Variants in ARVCF observed in about 807,000 individuals in gnomAD.
The protein encoded by ARVCF is ARVCF delta catenin family member.
Under a neutral mutation model 90.9 loss-of-function variants are expected in ARVCF, and 66 were observed. That is an observed-to-expected ratio of 0.73 (90% CI 0.60 to 0.89). The LOEUF (loss-of-function observed/expected upper bound fraction) is 0.89. Among genes scored for constraint, ARVCF ranks in the 40% least tolerant of loss-of-function variants. The pLI is 0.00. For synonymous variants in ARVCF, 653 were observed against 603.4 expected, an observed-to-expected ratio of 1.08 and a Z score of -1.21; for missense variants, 1,469 against 1,382.3, an observed-to-expected ratio of 1.06 and a Z score of -1.00.
chr22:19,968,711 G>A (rs1030230368), downstream of ARVCF: 1 of 1,612,076 alleles, frequency 6.2e-7, no homozygotes, highest in African/African-American at 1.3e-5. Context: ...ATCTACAAGG[G>A]CCCAGGCAGC....
intron 13 of ARVCF, 84 bp from the exon 14 acceptor site, chr22:19,973,401 C>A: frequency 6.8e-7 from 1 of 1,466,202 alleles, no homozygotes; most frequent in South Asian, 1.3e-5. Flanking sequence ...GCGAGGGGCA[C>A]TGCCAGGAGA....
chr22:20,008,222 G>A (rs187910488), intron 2 of ARVCF, among the ~76,000 whole-genome samples: 11 of 152,320 alleles, frequency 7.2e-5, no homozygotes, highest in East Asian at 5.8e-4. Context: ...CCAGGCGGCC[G>A]CAGGAGACGA....
chr22:20,009,778 G>C (rs1267429102), intron 2 of ARVCF, among the ~76,000 whole-genome samples: 1 of 152,226 alleles, frequency 6.6e-6, no homozygotes, highest in African/African-American at 2.4e-5. Flanking sequence ...ACTGGAGCTA[G>C]CAGCCATGAT....
intron 16 of ARVCF, 62 bp from the exon 17 acceptor site, chr22:19,972,473 G>T (rs1017500702): frequency 6.9e-6 from 11 of 1,600,198 alleles, no homozygotes; most frequent in Non-Finnish European, 9.4e-6. Flanking sequence ...GGGCAGAGAA[G>T]CCCACACAGG....
intron 19 of ARVCF, 53 bp downstream of exon 19, chr22:19,971,163 C>T (rs1188810896): frequency 6.4e-7 from 1 of 1,550,652 alleles, no homozygotes; most frequent in Non-Finnish European, 8.7e-7. Context: ...AACAAGAAGC[C>T]CTGGCCCAGA....
Position 20,014,754 on chromosome 22 carries a change from C to T in ARVCF, c.-73+1835G>A, listed in dbSNP as rs888124044. On this transcript the variant is annotated intron_variant, in intron 1 of 19. Transcript: ENST00000263207. ...TGGACAGAGGGTGGTGCCTGGCATC[C>T]GTGTGCAGAGCTCCCTGCTCCACCC... Among the ~76,000 whole-genome samples the T allele has an allele frequency of 6.6e-5, 10 of 152,306 alleles. No homozygotes were observed. In the South Asian group the frequency reaches 8.3e-4, roughly 13 times the overall value.
chr22:19,973,847 C>T (rs1226404128), intron 12 of ARVCF, 54 bp from the exon 13 acceptor site: 25 of 1,563,902 alleles, frequency 1.6e-5, no homozygotes, highest in South Asian at 1.2e-4. Context: ...ACTCTCCCAC[C>T]TCCAGACGCT....
chr22:20,004,154 T>C (rs1057390656), intron 2 of ARVCF, among the ~76,000 whole-genome samples: 2 of 150,302 alleles, frequency 1.3e-5, no homozygotes, highest in African/African-American at 5.0e-5. Context: ...TACATAATAC[T>C]AAACTTAAGA....
intron 2 of ARVCF, among the ~76,000 whole-genome samples, chr22:19,999,984 C>T (rs1944388400): frequency 6.6e-6 from 1 of 152,192 alleles, no homozygotes. Flanking sequence ...AGAACGAGGA[C>T]CCAGCACTGA....
chr22:19,987,394 C>A (rs982610014), intron 3 of ARVCF, among the ~76,000 whole-genome samples: 15 of 148,618 alleles, frequency 1.0e-4, no homozygotes, highest in African/African-American at 3.7e-4. Flanking sequence ...CCCACCACCT[C>A]CCCCCACCCA....
At chr22:19,979,643 T>C (rs2146298583) in intron 6 of ARVCF, 100 bp downstream of exon 6, 3 of 1,454,308 alleles carry the variant, frequency 2.1e-6, no homozygotes, top group East Asian at 5.0e-5. Context: ...TACCGGGTGC[T>C]TTCCCAGGCG....
chr22:20,000,660 T>C (rs770469913), intron 2 of ARVCF, among the ~76,000 whole-genome samples: 4 of 152,218 alleles, frequency 2.6e-5, no homozygotes, highest in Non-Finnish European at 4.4e-5. Flanking sequence ...AATGCTAGTG[T>C]TCCCCAAATT....
In ARVCF at chr22:19,990,280, T is replaced by C. The variant is rs529325125; in HGVS notation, c.210+305A>G. Among the ~76,000 whole-genome samples, 7 of 152,270 alleles carry C rather than the reference T, an allele frequency of 4.6e-5. No homozygotes were observed. The East Asian group carries it at 1.4e-3, about 29-fold the overall frequency. On this transcript the variant is annotated intron_variant, in intron 3 of 19. Transcript: ENST00000263207. ...GTTAGGCATGGTGCAGGCAAACCCC[T>C]AAAGTGTCTCTAGGCAGACCAAAGA...
chr22:19,967,392 C>CG, downstream of ARVCF: 1 of 458,708 alleles, frequency 2.2e-6, no homozygotes, highest in Admixed American at 2.6e-5. Context: ...ATTGCTAGGA[C>CG]ATTTTTTTTT....
intron 1 of ARVCF, among the ~76,000 whole-genome samples, chr22:20,015,175 G>C (rs1341663607): frequency 6.6e-6 from 1 of 152,218 alleles, no homozygotes; most frequent in East Asian, 1.9e-4. Context: ...GCAGGGGCTG[G>C]CTTGGCTGTG....
chr22:19,997,816 T>G (rs1019402741), intron 2 of ARVCF, among the ~76,000 whole-genome samples: 8 of 152,174 alleles, frequency 5.3e-5, no homozygotes, highest in Non-Finnish European at 1.0e-4. Flanking sequence ...AGTGCCCTAC[T>G]AAGTGGGCCG....
Position 19,970,292 on chromosome 22 carries a change from G to A in ARVCF, c.*464C>T, listed in dbSNP as rs1027119734. On this transcript the variant is annotated 3_prime_UTR_variant, in exon 20 of 20. Transcript: ENST00000263207. ...GGTCTGCCTGCCTGCAGGGTGCCCA[G>A]GGAGACCCTCCGCCTTTAGAAGTCC... The A allele has an allele frequency of 4.0e-6, 4 of 995,200 alleles. No individual in the cohort carries two copies. In the African/African-American group the frequency reaches 7.0e-5, roughly 17 times the overall value. The allele number at this position is 995,200 out of a possible 1,614,324, so 61.6% of individuals were successfully genotyped here.
At chr22:20,006,393 T>G (rs555787907) in intron 2 of ARVCF, among the ~76,000 whole-genome samples, 1 of 151,560 alleles carries the variant, frequency 6.6e-6, no homozygotes, top group African/African-American at 2.4e-5. Flanking sequence ...CTGGCTAACA[T>G]GGTGAAACCC....
chr22:19,981,423 T>A lies in ARVCF; in HGVS notation c.684A>T (p.Thr228=). 1 of 1,572,358 alleles carries A rather than the reference T, an allele frequency of 6.4e-7. No homozygotes were observed. The highest frequency in any genetic ancestry group is 8.6e-7 in the Non-Finnish European group (1 of 1,161,060). The part of the protein sequence containing the change: ...LGPGPGDGCF[T]LPGHREAFPV... Reference sequence around the variant, plus strand: ...GGAAGGCTTCCCGGTGGCCAGGCAGTGTGAAGCAGCCATCACCAGGGCCTG... The same window carrying A: ...GGAAGGCTTCCCGGTGGCCAGGCAGAGTGAAGCAGCCATCACCAGGGCCTG... The change falls in exon 5 of 20, where the codon ACA becomes ACT. Residue 228 remains threonine, a synonymous_variant. Transcript: ENST00000263207.
Sources: allele counts gnomAD v4.1 joint callset (sites outside exome capture counted in the v4.1 genomes callset), GRCh38; gene constraint gnomAD v4.1.1; transcripts MANE v1.5; gene names NCBI Gene and HGNC (gene_info 2026-07-23, HGNC 2026-07-21).